The following RIMBP2 variants were observed in gnomAD, a reference collection of about 807,000 sequenced individuals.
RIMBP2 encodes RIMS-binding protein 2.
A neutral mutation model predicts 118.6 loss-of-function variants in RIMBP2; 48 were observed. The ratio of observed to expected loss-of-function variants is 0.40; its 90% confidence interval spans 0.32 to 0.51. RIMBP2 has a LOEUF of 0.51. Ranked by LOEUF, RIMBP2 falls within the 20% of genes least tolerant of loss-of-function variation. The pLI is 0.41. For synonymous variants in RIMBP2, 762 were observed against 742.9 expected (o/e 1.03, Z -0.42); for missense variants, 1,551 against 1,768.3 (o/e 0.88, Z 2.20).
At chr12:130,569,865 C>T (rs1002270938) in intron 2 of RIMBP2, among the ~76,000 whole-genome samples, 1 of 152,134 alleles carries the variant, frequency 6.6e-6, no homozygotes, top group Admixed American at 6.5e-5. Context: ...TACAGTAATA[C>T]GTATATGGCC....
intron 21 of RIMBP2, among the ~76,000 whole-genome samples, chr12:130,404,790 G>A (rs2075005920): frequency 6.6e-6 from 1 of 152,006 alleles, no homozygotes. Context: ...GTGGAGGTGG[G>A]ACTCTTTACA....
At position 130,703,492 on chromosome 12, in the gene RIMBP2, C is replaced by A. The variant is rs1301785579; in HGVS notation, c.-352+12730G>T. Among the ~76,000 whole-genome samples the A allele has an allele frequency of 6.6e-6, 1 of 152,226 alleles. No homozygotes were observed. Among genetic ancestry groups the A allele is most frequent in the Non-Finnish European group, 1.5e-5 (1 of 68,034 alleles). On this transcript the variant is annotated intron_variant, in intron 1 of 22. Transcript: ENST00000690449. This position sits in a 1 kb window ranked among gnomAD's most constrained non-coding sequence, Gnocchi z 5.7. ...TCCCTCGGCCACCCGCCTGCCCTCC[C>A]CAATCCCTCACCCACTGCTGCGACC...
chr12:130,583,186 A>G (rs2058586928), intron 2 of RIMBP2, among the ~76,000 whole-genome samples: 1 of 151,952 alleles, frequency 6.6e-6, no homozygotes, highest in Non-Finnish European at 1.5e-5. Context: ...AAGGCCCAAC[A>G]CTCTATGTTG....
intron 2 of RIMBP2, among the ~76,000 whole-genome samples, chr12:130,552,619 C>T (rs1169199016): frequency 6.6e-6 from 1 of 152,178 alleles, no homozygotes; most frequent in Non-Finnish European, 1.5e-5. Flanking sequence ...ATTCATGCAG[C>T]AAGGTCATGT....
intron 1 of RIMBP2, among the ~76,000 whole-genome samples, chr12:130,699,735 A>G (rs2065756263): frequency 6.6e-6 from 1 of 151,866 alleles, no homozygotes; most frequent in Non-Finnish European, 1.5e-5. Context: ...TAATAATAAT[A>G]AAATTTTAAA....
intron 1 of RIMBP2, among the ~76,000 whole-genome samples, chr12:130,691,967 G>A (rs1041500522): frequency 2.6e-5 from 4 of 152,226 alleles, no homozygotes; most frequent in Admixed American, 6.5e-5. Context: ...AGTCTAAGAT[G>A]TGGTCTGCGG....
intron 2 of RIMBP2, among the ~76,000 whole-genome samples, chr12:130,563,725 T>G (rs1241761570): frequency 6.6e-6 from 1 of 152,206 alleles, no homozygotes; most frequent in African/African-American, 2.4e-5. Context: ...AAATGTACAT[T>G]GACTAGAAGT....
chr12:130,501,501 A>G (rs1174230045), intron 4 of RIMBP2, among the ~76,000 whole-genome samples: 1 of 152,232 alleles, frequency 6.6e-6, no homozygotes, highest in African/African-American at 2.4e-5. Context: ...CCTTCCCATG[A>G]GACGCACCGC....
intron 4 of RIMBP2, among the ~76,000 whole-genome samples, chr12:130,495,174 G>A (rs2049026407): frequency 6.6e-6 from 1 of 152,208 alleles, no homozygotes; most frequent in African/African-American, 2.4e-5. Context: ...ATAGATTTAG[G>A]ACTTGGGCGT....
chr12:130,547,175 C>T (rs2055258412), intron 2 of RIMBP2, among the ~76,000 whole-genome samples: 1 of 152,162 alleles, frequency 6.6e-6, no homozygotes, highest in African/African-American at 2.4e-5. Flanking sequence ...TCACCTAATA[C>T]AGCAAAGCTC....
intron 6 of RIMBP2, among the ~76,000 whole-genome samples, chr12:130,459,543 G>C: frequency 6.6e-6 from 1 of 152,172 alleles, no homozygotes; most frequent in Non-Finnish European, 1.5e-5. Flanking sequence ...TAAGAATACA[G>C]GTGGCATACA....
chr12:130,447,387 G>A lies in RIMBP2; in HGVS notation c.582-2118C>T, dbSNP rs1025541920. The stretch of plus-strand genomic sequence containing the variant: ...GACCTCGTGGGTGTTCAGGGCAGAC[G>A]CTGCCACGTACTGTGTGGATGAGAC... On this transcript the variant is annotated intron_variant, in intron 9 of 22. Transcript: ENST00000690449. This position sits in a 1 kb window ranked among gnomAD's most constrained non-coding sequence, Gnocchi z 4.4. 5.9e-5 allele frequency among the ~76,000 whole-genome samples: 9 copies of A among 152,162 alleles called. No homozygotes were observed. Among genetic ancestry groups the A allele is most frequent in the Non-Finnish European group, 1.3e-4 (9 of 68,030 alleles).
At chr12:130,466,525 C>A (rs559495508) in intron 6 of RIMBP2, among the ~76,000 whole-genome samples, 1 of 152,070 alleles carries the variant, frequency 6.6e-6, no homozygotes, top group South Asian at 2.1e-4. Context: ...ATGTGGGGAC[C>A]GTGAAAGGAA....
chr12:130,434,753 C>A lies in RIMBP2; in HGVS notation c.2234G>T (p.Gly745Val). 4.3e-6 allele frequency: 7 copies of A among 1,613,244 alleles called. No individual in the cohort carries two copies. Among genetic ancestry groups the A allele is most frequent in the Non-Finnish European group, 5.1e-6 (6 of 1,179,900 alleles). ...RGASVDDFLK[G>V]SELGKQPHCC... ...TCTCACCTGCTTGCCAAGTTCAGAG[C>A]CTTTCAGGAAGTCGTCCACCGAGGC... The change falls in exon 14 of 23, where the codon GGC (glycine) becomes GTC (valine). Residue 745 changes from glycine (G) to valine (V), a missense_variant. Physicochemically the swap from Gly to Val is moderately radical, Grantham distance 109. Transcript: ENST00000690449. This position sits in a 1 kb window ranked among gnomAD's most constrained non-coding sequence, Gnocchi z 5.7.
rs1491390195 is a variant in RIMBP2, at chr12:130,710,483, CAT to C, written c.-352+5737_-352+5738del. On this transcript the variant is annotated intron_variant, in intron 1 of 22. Coordinates refer to ENST00000690449, the MANE Select transcript of RIMBP2 (RefSeq NM_001393629.1). This position sits in a 1 kb window ranked among gnomAD's most constrained non-coding sequence, Gnocchi z 4.3. ...ATACACACACACACGTACACACACACATGTGTGCTCCCCATGAGGGCAGCACC... is the reference window on the plus strand; with the variant it reads ...ATACACACACACACGTACACACACACGTGTGCTCCCCATGAGGGCAGCACC... Among the ~76,000 whole-genome samples the C allele has an allele frequency of 3.3e-5, 5 of 152,290 alleles. No homozygotes were observed. Among genetic ancestry groups the C allele is most frequent in the South Asian group, 4.2e-4 (2 of 4,814 alleles).
At chr12:130,406,127 A>G in intron 21 of RIMBP2, 45 bp downstream of exon 21, 1 of 1,239,384 alleles carries the variant, frequency 8.1e-7, no homozygotes, top group South Asian at 1.3e-5. Flanking sequence ...AAATAAATGA[A>G]AATACAAAAA....
chr12:130,649,760 C>T (rs1333905231), intron 1 of RIMBP2, among the ~76,000 whole-genome samples: 1 of 152,138 alleles, frequency 6.6e-6, no homozygotes, highest in African/African-American at 2.4e-5. Context: ...GCCCCCTGCT[C>T]ACAGTTTCAC....
chr12:130,713,433 A>C (rs1950108387), intron 1 of RIMBP2, among the ~76,000 whole-genome samples: 1 of 149,580 alleles, frequency 6.7e-6, no homozygotes, highest in Non-Finnish European at 1.5e-5. Flanking sequence ...AGCTGGTTGC[A>C]AGCCTCCTCC....
chr12:130,667,058 AAG>A (rs1317194859), intron 1 of RIMBP2, among the ~76,000 whole-genome samples: 16 of 64,090 alleles, frequency 2.5e-4, no homozygotes, highest in East Asian at 4.3e-4. Flanking sequence ...GGAGGGAGAA[AAG>A]GAAGAAGGGA....
Sources: gnomAD v4.1 joint callset for allele counts (sites outside exome capture counted in the v4.1 genomes callset) on GRCh38, gnomAD v4.1.1 for gene constraint, Gnocchi (gnomAD v3.1) non-coding constraint, MANE v1.5 for transcripts, NCBI Gene and HGNC (gene_info 2026-07-23, HGNC 2026-07-21) for gene names.